The following NRG1 variants were observed in gnomAD, a reference collection of about 807,000 sequenced individuals.
NRG1 encodes the protein neuregulin 1, also known as pro-neuregulin-1, membrane-bound isoform.
Under a neutral mutation model 63.8 loss-of-function variants are expected in NRG1, and 18 were observed. That is an observed-to-expected ratio of 0.28 (90% CI 0.19 to 0.42). The LOEUF is 0.42. Among genes scored for constraint, NRG1 ranks in the 10% least tolerant of loss-of-function variants. NRG1 has a pLI of 1.00. For missense variants in NRG1, 762 were observed against 814.7 expected (o/e 0.94, Z 0.79); for synonymous variants, 302 against 301.3 (o/e 1.00, Z -0.02).
intron 1 of NRG1, among the ~76,000 whole-genome samples, chr8:31,944,713 A>G (rs1802278390): frequency 6.6e-6 from 1 of 152,236 alleles, no homozygotes; most frequent in South Asian, 2.1e-4. Context: ...AGAGCAAGTA[A>G]TAATGTTATA....
chr8:32,108,225 G>A (rs1037679154), intron 1 of NRG1, among the ~76,000 whole-genome samples: 1 of 152,140 alleles, frequency 6.6e-6, no homozygotes, highest in Non-Finnish European at 1.5e-5. Context: ...TAGAATTAAA[G>A]TTACTATTTT....
intron 1 of NRG1, among the ~76,000 whole-genome samples, chr8:32,516,415 C>T (rs866601810): frequency 9.9e-5 from 15 of 152,016 alleles, no homozygotes; most frequent in African/African-American, 3.4e-4. Flanking sequence ...ATTCAGGCTC[C>T]CTTTTGGATC....
intron 5 of NRG1, among the ~76,000 whole-genome samples, chr8:32,696,723 G>A (rs1183426454): frequency 2.8e-5 from 4 of 140,806 alleles, no homozygotes; most frequent in Admixed American, 7.5e-5. Flanking sequence ...GTGCAATGGC[G>A]CAATCTTGAC....
chr8:31,937,224 G>T (rs117240639), intron 1 of NRG1, among the ~76,000 whole-genome samples: 1 of 152,072 alleles, frequency 6.6e-6, no homozygotes, highest in African/African-American at 2.4e-5. Context: ...AAAAGAAAAT[G>T]GGCTTGAATA....
intron 1 of NRG1, among the ~76,000 whole-genome samples, chr8:32,318,759 G>T (rs532911430): frequency 6.6e-6 from 1 of 152,116 alleles, no homozygotes; most frequent in African/African-American, 2.4e-5. Flanking sequence ...TTTATGACAG[G>T]CTGAGAAGTT....
chr8:31,841,992 T>G (rs189167562), intron 1 of NRG1, among the ~76,000 whole-genome samples: 160 of 152,302 alleles, frequency 1.1e-3, no homozygotes, highest in Non-Finnish European at 1.7e-3. Flanking sequence ...TGGCTGTGCC[T>G]TCCCTCCTCC....
At chr8:32,563,679 TC>T (rs1366891629) in intron 1 of NRG1, among the ~76,000 whole-genome samples, 1 of 152,172 alleles carries the variant, frequency 6.6e-6, no homozygotes, top group East Asian at 1.9e-4. Context: ...GAATAATTTT[TC>T]CTCAGTGGTT....
chr8:32,250,907 T>A lies in NRG1; in HGVS notation c.38-344921T>A, dbSNP rs79103173. Among the ~76,000 whole-genome samples, 1,400 of 152,166 alleles carry A rather than the reference T, an allele frequency of 9.2e-3. 34 individuals are homozygous for A. Among genetic ancestry groups the A allele is most frequent in the African/African-American group, 0.031 (1,306 of 41,530 alleles). ...ACATGTATACTTATTTATAATAAAT[T>A]TGTAGACATGTATATTTAGTTAGTT... On this transcript the variant is annotated intron_variant, in intron 1 of 10. Coordinates refer to the NRG1 transcript ENST00000519301.
At chr8:32,290,961 A>T (rs1040091036) in intron 1 of NRG1, among the ~76,000 whole-genome samples, 1 of 151,994 alleles carries the variant, frequency 6.6e-6, no homozygotes, top group African/African-American at 2.4e-5. Flanking sequence ...AAGTCCCAAG[A>T]TGTACAGGTT....
At chr8:32,698,563 C>T (rs1162379050) in intron 5 of NRG1, among the ~76,000 whole-genome samples, 3 of 152,068 alleles carry the variant, frequency 2.0e-5, no homozygotes, top group East Asian at 1.9e-4. Context: ...ATGAAAGAGG[C>T]GTGAGCATTC....
At chr8:32,762,638 T>C (rs1322143510) in intron 11 of NRG1, among the ~76,000 whole-genome samples, 1 of 152,176 alleles carries the variant, frequency 6.6e-6, no homozygotes, top group African/African-American at 2.4e-5. Context: ...CCGTTCCTGT[T>C]AGCAAGAGTT....
intron 5 of NRG1, among the ~76,000 whole-genome samples, chr8:32,704,521 C>G (rs546024223): frequency 6.6e-6 from 1 of 151,934 alleles, no homozygotes; most frequent in Non-Finnish European, 1.5e-5. Context: ...ATGGAACAAC[C>G]GTAAGATAAA....
exon 2 of NRG1, chr8:32,595,932 A>C (rs747804470): frequency 6.2e-7 from 1 of 1,614,012 alleles, no homozygotes; most frequent in Non-Finnish European, 8.5e-7. Context: ...TCTCAGATTC[A>C]AGTGGTTCAA....
intron 1 of NRG1, among the ~76,000 whole-genome samples, chr8:31,714,684 A>G (rs1215628017): frequency 1.3e-5 from 2 of 152,148 alleles, no homozygotes; most frequent in Non-Finnish European, 2.9e-5. Flanking sequence ...CTATCCATGT[A>G]TCTATCAATT....
At position 31,776,991 on chromosome 8, in the gene NRG1, A is replaced by G. The variant is rs999320394; in HGVS notation, c.37+137560A>G. 2.6e-5 allele frequency among the ~76,000 whole-genome samples: 4 copies of G among 152,286 alleles called. No homozygotes were observed. The South Asian group carries it at 8.3e-4, about 32-fold the overall frequency. On this transcript the variant is annotated intron_variant, in intron 1 of 10. Transcript: ENST00000519301. ...AACCATTGTGGAAGTCGGTGTGGCA[A>G]TTCCTCAGGGATCTAGAACTAGAAA...
At chr8:32,548,653 AC>A in exon 1 of NRG1, 1 of 1,502,806 alleles carries the variant, frequency 6.7e-7, no homozygotes. Context: ...CTTTTCCCAA[AC>A]CCGATCCGAG....
At chr8:32,006,047 C>G (rs948898816) in intron 1 of NRG1, among the ~76,000 whole-genome samples, 3 of 151,908 alleles carry the variant, frequency 2.0e-5, no homozygotes, top group African/African-American at 7.2e-5. Context: ...TGGACAAAGA[C>G]AAAACATAGG....
intron 1 of NRG1, among the ~76,000 whole-genome samples, chr8:32,344,318 T>C (rs903251894): frequency 4.4e-5 from 6 of 134,912 alleles, no homozygotes; most frequent in Non-Finnish European, 9.7e-5. Flanking sequence ...TTTTTTTTCC[T>C]TCTTTCTCTT....
At chr8:32,325,840 G>A (rs1801932811) in intron 1 of NRG1, among the ~76,000 whole-genome samples, 1 of 152,162 alleles carries the variant, frequency 6.6e-6, no homozygotes, top group Admixed American at 6.6e-5. Context: ...TGTGCAGAAT[G>A]TCTATTTCCA....
Sources: allele counts gnomAD v4.1 joint callset (sites outside exome capture counted in the v4.1 genomes callset), GRCh38; gene constraint gnomAD v4.1.1; transcripts MANE v1.5; gene names NCBI Gene and HGNC (gene_info 2026-07-23, HGNC 2026-07-21).